The following CNBD1 variants were observed in gnomAD, a reference collection of about 807,000 sequenced individuals.
CNBD1 encodes cyclic nucleotide binding domain containing 1.
A neutral mutation model predicts 54.4 loss-of-function variants in CNBD1; 71 were observed. The observed-to-expected ratio is 1.30, with a 90% CI of 1.08 to 1.59. The LOEUF is 1.59. Ranked by LOEUF, CNBD1 falls within the 40% of genes most tolerant of loss-of-function variation. The probability of loss-of-function intolerance (pLI) is 0.00; values close to 1 mark genes in which losing one functional copy is unlikely to be tolerated. For missense variants in CNBD1, 659 were observed against 518.0 expected (o/e 1.27, Z -2.64); for synonymous variants, 182 against 170.7 (o/e 1.07, Z -0.51).
chr8:87,225,136 A>G (rs1814449768), intron 5 of CNBD1, among the ~76,000 whole-genome samples: 1 of 149,928 alleles, frequency 6.7e-6, no homozygotes, highest in African/African-American at 2.5e-5. Context: ...GCTTAAGGAG[A>G]TTTTGGGCTG....
chr8:87,422,630 T>G (rs1309060932), intron 2 of CNBD1, among the ~76,000 whole-genome samples: 1 of 152,180 alleles, frequency 6.6e-6, no homozygotes, highest in African/African-American at 2.4e-5. Flanking sequence ...TCCATTGATC[T>G]ATAGCTCTGT....
intron 6 of CNBD1, among the ~76,000 whole-genome samples, chr8:87,271,286 T>C (rs1808357978): frequency 6.6e-6 from 1 of 151,796 alleles, no homozygotes; most frequent in East Asian, 1.9e-4. Context: ...TACTCTGATC[T>C]TTGTTATTTC....
At chr8:87,145,666 A>G (rs1360050996) in intron 4 of CNBD1, among the ~76,000 whole-genome samples, 6 of 152,168 alleles carry the variant, frequency 3.9e-5, no homozygotes, top group Non-Finnish European at 7.4e-5. Flanking sequence ...TCCTTTTACT[A>G]TTTGTGAGAG....
At chr8:86,958,952 T>A (rs1433668812) in intron 4 of CNBD1, among the ~76,000 whole-genome samples, 1 of 152,222 alleles carries the variant, frequency 6.6e-6, no homozygotes, top group South Asian at 2.1e-4. Flanking sequence ...GTCAATGGTC[T>A]TTACAATTTG....
At chr8:87,110,927 AC>A (rs1379965978) in intron 4 of CNBD1, among the ~76,000 whole-genome samples, 1 of 152,234 alleles carries the variant, frequency 6.6e-6, no homozygotes, top group Non-Finnish European at 1.5e-5. Flanking sequence ...TAGTAAAGAT[AC>A]CACATCTGGT....
Position 87,015,518 on chromosome 8 carries a change from T to C in CNBD1, c.431+75764T>C, listed in dbSNP as rs537038998. 7.9e-5 allele frequency among the ~76,000 whole-genome samples: 12 copies of C among 152,266 alleles called. No homozygotes were observed. The South Asian group carries it at 2.1e-3, about 26-fold the overall frequency. ...GCTTATTTTTAATGCAAAAAGTTTT[T>C]AAGTTTTTAAATTCTATAATCTGTT... On this transcript the variant is annotated intron_variant, in intron 4 of 10. Coordinates refer to ENST00000518476, the MANE Select transcript of CNBD1 (RefSeq NM_173538.3).
chr8:87,237,698 TAGTC>T lies in CNBD1; in HGVS notation c.771+590_771+593del, dbSNP rs976601005. On this transcript the variant is annotated intron_variant, in intron 6 of 10. Transcript: ENST00000518476. ...CTGAATTGACTAGAATTGTGGCTGA[TAGTC>T]AGTTCTCAATTTAGGGTGATCAAGA... Among the ~76,000 whole-genome samples the T allele has an allele frequency of 5.4e-4, 82 of 152,238 alleles. 1 individual carries two copies. The highest frequency in any genetic ancestry group is 1.8e-3 in the African/African-American group (75 of 41,560).
intron 4 of CNBD1, among the ~76,000 whole-genome samples, chr8:87,045,733 A>AAC (rs1554549764): frequency 2.7e-5 from 4 of 146,768 alleles, no homozygotes; most frequent in African/African-American, 1.1e-4. Context: ...TCAAAAAAAA[A>AAC]AAAAAAAAAA....
rs994829923 is a variant in CNBD1 at position 87,222,909 on chromosome 8, T to C, written c.578-14010T>C. 3.3e-5 allele frequency among the ~76,000 whole-genome samples: 5 copies of C among 152,286 alleles called. No homozygotes were observed. The East Asian group carries it at 7.7e-4, about 24-fold the overall frequency. On this transcript the variant is annotated intron_variant, in intron 5 of 10. Transcript: ENST00000518476. Reference sequence around the variant, plus strand: ...CCTCATGAGAATGGTTCTTTGATTTTTCATGTAATAGAAACTAGGTATATA... The same window carrying C: ...CCTCATGAGAATGGTTCTTTGATTTCTCATGTAATAGAAACTAGGTATATA...
At chr8:87,104,014 T>C (rs778333713) in intron 4 of CNBD1, among the ~76,000 whole-genome samples, 6 of 152,152 alleles carry the variant, frequency 3.9e-5, no homozygotes, top group Non-Finnish European at 7.4e-5. Flanking sequence ...AGACATACTA[T>C]AGGCCCTGTT....
chr8:87,240,065 AACACAC>A (rs10608912), intron 6 of CNBD1, among the ~76,000 whole-genome samples: 57,122 of 146,378 alleles, frequency 0.39, 11,948 homozygotes, highest in Non-Finnish European at 0.49. Flanking sequence ...TCTGTGCCAA[AACACAC>A]ACACACACAC....
At chr8:87,415,394 C>A (rs1256330118) in intron 2 of CNBD1, among the ~76,000 whole-genome samples, 2 of 152,040 alleles carry the variant, frequency 1.3e-5, no homozygotes, top group Non-Finnish European at 2.9e-5. Flanking sequence ...TAGGTTATTT[C>A]TGAAGATTGT....
chr8:87,298,215 C>T (rs1808917174), intron 8 of CNBD1, among the ~76,000 whole-genome samples: 1 of 151,900 alleles, frequency 6.6e-6, no homozygotes, highest in South Asian at 2.1e-4. Flanking sequence ...TTTTACCCCA[C>T]TTGCAAATAG....
At chr8:87,363,926 G>C (rs1316738692) in intron 10 of CNBD1, among the ~76,000 whole-genome samples, 1 of 149,590 alleles carries the variant, frequency 6.7e-6, no homozygotes, top group East Asian at 2.0e-4. Flanking sequence ...TGAAGTCCTT[G>C]CCCATGCCTA....
chr8:86,969,980 G>A (rs1808184048), intron 4 of CNBD1, among the ~76,000 whole-genome samples: 1 of 150,764 alleles, frequency 6.6e-6, no homozygotes, highest in African/African-American at 2.4e-5. Flanking sequence ...TCATTATTGT[G>A]GTCTGCTGAT....
intron 4 of CNBD1, among the ~76,000 whole-genome samples, chr8:87,102,860 C>G (rs779213597): frequency 6.6e-6 from 1 of 151,994 alleles, no homozygotes; most frequent in Non-Finnish European, 1.5e-5. Flanking sequence ...GTGATCCGCC[C>G]GCCTCAGCTT....
intron 6 of CNBD1, among the ~76,000 whole-genome samples, chr8:87,256,259 T>C (rs183649292): frequency 1.9e-4 from 29 of 151,468 alleles, no homozygotes; most frequent in African/African-American, 5.6e-4. Context: ...CTGGCCTCAG[T>C]GATCCACCCA....
At chr8:87,151,453 G>A (rs531011427) in intron 4 of CNBD1, among the ~76,000 whole-genome samples, 1 of 152,252 alleles carries the variant, frequency 6.6e-6, no homozygotes, top group South Asian at 2.1e-4. Flanking sequence ...TGTTTTGTAA[G>A]CAATACAAGT....
intron 2 of CNBD1, among the ~76,000 whole-genome samples, chr8:87,423,953 C>G (rs1473310452): frequency 6.6e-6 from 1 of 152,118 alleles, no homozygotes; most frequent in Admixed American, 6.6e-5. Context: ...ACAATTTCAG[C>G]TCCTGTTATT....
Sources: gnomAD v4.1 joint callset for allele counts (sites outside exome capture counted in the v4.1 genomes callset) on GRCh38, gnomAD v4.1.1 for gene constraint, MANE v1.5 for transcripts, NCBI Gene and HGNC (gene_info 2026-07-23, HGNC 2026-07-21) for gene names.